Variants in NLGN3 observed in about 807,000 individuals in gnomAD.
The protein encoded by NLGN3 is neuroligin-3.
In NLGN3, 11 loss-of-function variants were observed where a neutral mutation model predicts 42.9. That is an observed-to-expected ratio of 0.26 (90% CI 0.16 to 0.42). The LOEUF (loss-of-function observed/expected upper bound fraction) is 0.42, where lower values mean the gene tolerates loss of function less well. NLGN3 is among the 10% of genes least tolerant of loss of function. The pLI is 1.00. For missense variants in NLGN3, 374 were observed against 733.8 expected (o/e 0.51, Z 5.67); for synonymous variants, 279 against 312.7 (o/e 0.89, Z 1.14).
At chrX:71,146,720 G>A (rs919509233) in intron 1 of NLGN3, among the ~76,000 whole-genome samples, 2 of 111,226 alleles carry the variant, frequency 1.8e-5, no homozygotes, top group African/African-American at 6.6e-5. Flanking sequence ...TGTGATCCTG[G>A]CTTGGTCTCT....
chrX:71,167,729 C>G lies in NLGN3; in HGVS notation c.1632C>G (p.Cys544Trp). Residue 544 changes from cysteine to tryptophan, a missense_variant, in exon 7 of 8, where the codon TGC (cysteine) becomes TGG (tryptophan). Physicochemically the swap from Cys to Trp is radical, Grantham distance 215. Coordinates refer to ENST00000358741, the MANE Select transcript of NLGN3 (RefSeq NM_181303.2). ...TAGGCCCCACTGACCTTTTCCCCTG[C>G]AACTTCTCCAAGAATGATGTTATGC... ...PMVGPTDLFP[C>W]NFSKNDVMLS... 8.3e-7 allele frequency: 1 copy of G among 1,211,431 alleles called. No homozygotes were observed. Among genetic ancestry groups the G allele is most frequent in the East Asian group, 3.0e-5 (1 of 33,823 alleles).
At chrX:71,161,872 C>G (rs1002680658) in intron 5 of NLGN3, among the ~76,000 whole-genome samples, 1 of 113,287 alleles carries the variant, frequency 8.8e-6, no homozygotes, top group Non-Finnish European at 1.9e-5. Context: ...ATCTGCTCTA[C>G]TACATCCAAA....
intron 5 of NLGN3, among the ~76,000 whole-genome samples, chrX:71,157,524 A>G (rs900855157): frequency 2.1e-4 from 23 of 109,634 alleles, no homozygotes; most frequent in Non-Finnish European, 3.8e-4. Flanking sequence ...GGGTTTCACC[A>G]TGTTGGCCAG....
At position 71,170,157 on chromosome X, in the gene NLGN3, GCACA is replaced by G. The variant is rs112095862; in HGVS notation, c.*78_*81del. Reference sequence around the variant, plus strand: ...CTCCCTCCCAGATCCAGGAACACATGCACACACACACACACACACACGCAGACAC... The same window carrying G: ...CTCCCTCCCAGATCCAGGAACACATGCACACACACACACACACGCAGACAC... On this transcript the variant is annotated 3_prime_UTR_variant, in exon 8 of 8. Transcript: ENST00000358741. 156 of 1,058,443 alleles carry G rather than the reference GCACA, an allele frequency of 1.5e-4. No homozygotes were observed. In the African/African-American group the frequency reaches 1.8e-3, roughly 12 times the overall value. The allele number at this position is 1,058,443 out of a possible 1,213,427, so 87.2% of individuals were successfully genotyped here. A position where few individuals can be genotyped will look rare whatever the true frequency, so the allele number is the denominator to read the frequency against.
At chrX:71,162,579 G>A (rs1055593165) in intron 5 of NLGN3, among the ~76,000 whole-genome samples, 2 of 112,041 alleles carry the variant, frequency 1.8e-5, no homozygotes, top group Non-Finnish European at 3.8e-5. Context: ...CTGGAACCTG[G>A]GGCTAAAGAG....
At chrX:71,155,447 A>G in intron 5 of NLGN3, 84 bp downstream of exon 5, 1 of 1,108,533 alleles carries the variant, frequency 9.0e-7, no homozygotes, top group Non-Finnish European at 1.2e-6. Context: ...AAAAACAGAT[A>G]GCCTTGCTTC....
Position 71,147,593 on chromosome X carries a change from C to T in NLGN3, c.-157C>T. The T allele has an allele frequency of 4.0e-6, 2 of 501,243 alleles. No homozygotes were observed. The highest frequency in any genetic ancestry group is 2.7e-5 in the South Asian group (1 of 36,820). The allele number at this position is 501,243 out of a possible 1,213,427, so 41.3% of individuals were successfully genotyped here. A position where few individuals can be genotyped will look rare whatever the true frequency, so the allele number is the denominator to read the frequency against. On this transcript the variant is annotated 5_prime_UTR_variant, in exon 2 of 8. Transcript: ENST00000358741. ...GAGTCCCCTTTCTGAAGCTGTGGTG[C>T]TTGGACGACCTGCTCTCTACATTGC... is the stretch of plus-strand genomic sequence containing the variant.
chrX:71,153,363 G>A, intron 3 of NLGN3, 114 bp from the exon 4 acceptor site: 1 of 759,229 alleles, frequency 1.3e-6, no homozygotes, highest in Non-Finnish European at 2.0e-6. Context: ...CCTGTCCTGG[G>A]CCCAGGCCCG....
At position 71,148,223 on chromosome X, in the gene NLGN3, G is replaced by A; in HGVS notation, c.457+17G>A. 8.5e-7 allele frequency: 1 copy of A among 1,176,159 alleles called. No individual in the cohort carries two copies. The highest frequency in any genetic ancestry group is 1.7e-5 in the African/African-American group (1 of 57,200). On this transcript the variant is annotated intron_variant, in intron 2 of 7. Transcript: ENST00000358741. ...CGGAGGATGGTGAGTGCTGCGGCCA[G>A]GCACTGTGCCCTCCCTGCCTCCCGC...
Position 71,169,801 on chromosome X carries a change from G to A in NLGN3, c.2251G>A (p.Gly751Arg), listed in dbSNP as rs17857400. 3.0e-5 allele frequency: 36 copies of A among 1,206,002 alleles called. No individual in the cohort carries two copies. Among genetic ancestry groups the A allele is most frequent in the Middle Eastern group, 2.3e-4 (1 of 4,311 alleles). Residue 751 changes from glycine to arginine, a missense_variant, in exon 8 of 8, where the codon GGG becomes AGG. Gly to Arg is a moderately radical substitution (Grantham distance 125). This residue lies in a region of NLGN3 where 92 missense variants were observed against 108.0 expected (regional missense o/e 0.85). Transcript: ENST00000358741. ...GCAGCCTAGCCCTCAGCGGGGAGCC[G>A]GGGCCCCGGAGTTGGGAGCTGCTCC... Reference protein sequence around the residue: ...LRQPSPQRGAGAPELGAAPEE... With the variant: ...LRQPSPQRGARAPELGAAPEE...
chrX:71,155,404 C>T (rs776442496), intron 5 of NLGN3, 41 bp downstream of exon 5: 7 of 1,194,162 alleles, frequency 5.9e-6, no homozygotes, highest in Admixed American at 4.4e-5. Context: ...AGACTGGCTT[C>T]GCAAGGGGGG....
In NLGN3 at chrX:71,148,016, A is replaced by G. The variant is rs1294869150; in HGVS notation, c.267A>G (p.Pro89=). 3.3e-6 allele frequency: 4 copies of G among 1,201,810 alleles called. No homozygotes were observed. The South Asian group carries it at 5.3e-5, about 16-fold the overall frequency. The change falls in exon 2 of 8, where the codon CCA becomes CCG. Residue 89 remains proline, a synonymous_variant. Transcript: ENST00000358741. ...AGAAACGTTTCCTGCCCCCTGAACC[A>G]CCCCCATCCTGGTCGGGCATCCGGA... ...IGEKRFLPPE[P]PPSWSGIRNA...
chrX:71,154,761 A>G (rs1385830201), intron 4 of NLGN3, among the ~76,000 whole-genome samples: 3 of 110,822 alleles, frequency 2.7e-5, no homozygotes, highest in Non-Finnish European at 5.7e-5. Flanking sequence ...GCTGCTGCCA[A>G]TGGCCGTTTT....
intron 4 of NLGN3, 70 bp downstream of exon 4, chrX:71,153,606 A>G: frequency 1.1e-6 from 1 of 931,244 alleles, no homozygotes; most frequent in Non-Finnish European, 1.5e-6. Context: ...GATGGGGAGA[A>G]GCCCCGTCTG....
At position 71,159,048 on chromosome X, in the gene NLGN3, G is replaced by A. The variant is rs748900482; in HGVS notation, c.727+3685G>A. Among the ~76,000 whole-genome samples the A allele has an allele frequency of 1.1e-4, 12 of 111,176 alleles. 1 individual carries two copies. Among genetic ancestry groups the A allele is most frequent in the East Asian group, 2.8e-4 (1 of 3,549 alleles). On this transcript the variant is annotated intron_variant, in intron 5 of 7. Coordinates refer to ENST00000358741, the MANE Select transcript of NLGN3 (RefSeq NM_181303.2). ...CACACACACTTAATTTTACAGGGCC[G>A]GGTGTGGTGGCTCACGCCTGTAATC...
chrX:71,172,726 T>A (rs1232293065), downstream of NLGN3, among the ~76,000 whole-genome samples: 2 of 110,441 alleles, frequency 1.8e-5, no homozygotes, highest in Admixed American at 1.9e-4. Flanking sequence ...GTGAAAAGTG[T>A]GCTATACCCA....
At chrX:71,156,827 G>T (rs1257706553) in intron 5 of NLGN3, among the ~76,000 whole-genome samples, 7 of 111,316 alleles carry the variant, frequency 6.3e-5, no homozygotes, top group Non-Finnish European at 1.3e-4. Context: ...CTCCTCATAT[G>T]CACCCATACA....
intron 5 of NLGN3, among the ~76,000 whole-genome samples, chrX:71,160,539 C>T (rs1264075307): frequency 8.9e-6 from 1 of 112,083 alleles, no homozygotes; most frequent in Non-Finnish European, 1.9e-5. Context: ...TTCTAGATAT[C>T]TTGGGTGATT....
chrX:71,174,790 G>A (rs2092475615), downstream of NLGN3, among the ~76,000 whole-genome samples: 1 of 112,227 alleles, frequency 8.9e-6, no homozygotes, highest in African/African-American at 3.2e-5. Flanking sequence ...GATCAAATTT[G>A]CGAATTACAC....
Sources: gnomAD v4.1 joint callset for allele counts (sites outside exome capture counted in the v4.1 genomes callset) on GRCh38, gnomAD v4.1.1 for gene constraint, gnomAD v4.1.1 regional missense constraint, MANE v1.5 for transcripts, NCBI Gene and HGNC (gene_info 2026-07-23, HGNC 2026-07-21) for gene names.